KCNH7: variants seen among roughly 807,000 people sequenced by gnomAD.
KCNH7 encodes the protein voltage-gated inwardly rectifying potassium channel KCNH7.
KCNH7 carries 49 observed loss-of-function variants against 120.8 expected under a neutral mutation model. The observed-to-expected ratio is 0.41, with a 90% CI of 0.32 to 0.51. The LOEUF (loss-of-function observed/expected upper bound fraction) is 0.51. KCNH7 is among the 20% of genes least tolerant of loss of function. The pLI is 0.38. For synonymous variants in KCNH7, 547 were observed against 516.1 expected (o/e 1.06, Z -0.81); for missense variants, 1,097 against 1,446.6 (o/e 0.76, Z 3.92).
At chr2:162,554,870 G>A (rs1446242537) in intron 2 of KCNH7, among the ~76,000 whole-genome samples, 1 of 152,096 alleles carries the variant, frequency 6.6e-6, no homozygotes, top group Non-Finnish European at 1.5e-5. Flanking sequence ...TGAGGTTTAG[G>A]GCATGAACCT....
intron 4 of KCNH7, among the ~76,000 whole-genome samples, chr2:162,515,759 A>G (rs984951301): frequency 2.0e-5 from 3 of 151,750 alleles, no homozygotes; most frequent in African/African-American, 7.2e-5. Flanking sequence ...ATGATTATCC[A>G]ATTTGGGAAT....
chr2:162,483,145 A>C (rs1689984174), intron 6 of KCNH7, among the ~76,000 whole-genome samples: 2 of 152,184 alleles, frequency 1.3e-5, no homozygotes, highest in African/African-American at 4.8e-5. Context: ...TTCACTTTTG[A>C]ATTTCATAAA....
At position 162,810,008 on chromosome 2, in the gene KCNH7, C is replaced by T. The variant is rs1269677470; in HGVS notation, c.307+26529G>A. 8.0e-5 allele frequency among the ~76,000 whole-genome samples: 2 copies of T among 24,884 alleles called. 1 individual carries two copies. The highest frequency in any genetic ancestry group is 1.9e-3 in the East Asian group (2 of 1,064). The allele number at this position is 24,884 out of a possible 152,430, so 16.3% of individuals were successfully genotyped here. On this transcript the variant is annotated intron_variant, in intron 2 of 15. Coordinates refer to ENST00000332142, the MANE Select transcript of KCNH7 (RefSeq NM_033272.4). ...TCAGCTCACTGCAAGCTCCGCCTCC[C>T]GGGTTCACGCCATTCTCCTGCCTCA...
chr2:162,665,960 T>C (rs1201908836), intron 2 of KCNH7, among the ~76,000 whole-genome samples: 1 of 152,238 alleles, frequency 6.6e-6, no homozygotes, highest in African/African-American at 2.4e-5. Context: ...ATGGTACACA[T>C]ATAACACTGA....
chr2:162,458,737 G>C (rs1689054349), intron 6 of KCNH7, among the ~76,000 whole-genome samples: 1 of 152,136 alleles, frequency 6.6e-6, no homozygotes, highest in Non-Finnish European at 1.5e-5. Context: ...TAGATGTTTG[G>C]CTGGGACGAT....
chr2:162,719,416 T>G (rs1687247309), intron 2 of KCNH7, among the ~76,000 whole-genome samples: 1 of 152,010 alleles, frequency 6.6e-6, no homozygotes, highest in Admixed American at 6.6e-5. Context: ...CTAACTTGTA[T>G]TCTAAAAGGT....
intron 3 of KCNH7, among the ~76,000 whole-genome samples, chr2:162,524,980 C>T (rs1574063038): frequency 6.6e-6 from 1 of 151,898 alleles, no homozygotes; most frequent in Non-Finnish European, 1.5e-5. Context: ...CAAGTGGCTA[C>T]CCTGATTAGT....
At chr2:162,391,529 T>C (rs568977531) in intron 12 of KCNH7, among the ~76,000 whole-genome samples, 27 of 152,032 alleles carry the variant, frequency 1.8e-4, no homozygotes, top group Non-Finnish European at 3.5e-4. Flanking sequence ...ACCAGGAAAC[T>C]TCAAAGAGCT....
chr2:162,837,084 C>T (rs1404533530), intron 1 of KCNH7, among the ~76,000 whole-genome samples: 2 of 152,112 alleles, frequency 1.3e-5, no homozygotes, highest in Non-Finnish European at 1.5e-5. Context: ...CAAGCAGCTG[C>T]CCATTGATAT....
At chr2:162,724,239 C>A (rs868496128) in intron 2 of KCNH7, among the ~76,000 whole-genome samples, 15 of 152,096 alleles carry the variant, frequency 9.9e-5, no homozygotes, top group Admixed American at 2.6e-4. Context: ...TGTTCTGAGA[C>A]CCCTAATGAA....
intron 9 of KCNH7, among the ~76,000 whole-genome samples, chr2:162,408,960 C>G (rs1052039948): frequency 4.6e-5 from 7 of 151,444 alleles, no homozygotes; most frequent in African/African-American, 1.7e-4. Flanking sequence ...CACAGAAAAA[C>G]TTGTATTAAA....
In KCNH7 at chr2:162,432,672, A is replaced by G. The variant is rs1688109222; in HGVS notation, c.1954+2526T>C. Reference sequence around the variant, plus strand: ...CATTGAAAGATCATACTTTGAAATAATAAAAGCAATCTGTTGCAAACCCAC... The same window carrying G: ...CATTGAAAGATCATACTTTGAAATAGTAAAAGCAATCTGTTGCAAACCCAC... On this transcript the variant is annotated intron_variant, in intron 8 of 15. Coordinates refer to ENST00000332142, the MANE Select transcript of KCNH7 (RefSeq NM_033272.4). Among the ~76,000 whole-genome samples the G allele has an allele frequency of 2.6e-5, 4 of 152,184 alleles. No individual in the cohort carries two copies. The South Asian group carries it at 6.2e-4, about 24-fold the overall frequency.
intron 7 of KCNH7, among the ~76,000 whole-genome samples, chr2:162,438,244 TA>T (rs1017060787): frequency 3.9e-5 from 6 of 152,080 alleles, no homozygotes; most frequent in Admixed American, 6.6e-5. Flanking sequence ...GACGGTAGAG[TA>T]AAAATGATGT....
At chr2:162,670,583 T>C (rs1237092765) in intron 2 of KCNH7, among the ~76,000 whole-genome samples, 2 of 151,652 alleles carry the variant, frequency 1.3e-5, no homozygotes, top group Admixed American at 6.6e-5. Flanking sequence ...GGTAATTACA[T>C]TTCCATTGCC....
chr2:162,575,575 A>C (rs1394477278), intron 2 of KCNH7, among the ~76,000 whole-genome samples: 2 of 151,982 alleles, frequency 1.3e-5, no homozygotes, highest in East Asian at 3.9e-4. Flanking sequence ...GTTTACCCCC[A>C]TGTTTCCTGA....
chr2:162,396,247 C>T (rs961165989), intron 11 of KCNH7, among the ~76,000 whole-genome samples: 2 of 151,666 alleles, frequency 1.3e-5, no homozygotes, highest in East Asian at 1.9e-4. Flanking sequence ...TAAAACCTGA[C>T]TAATTTGTAC....
chr2:162,633,628 C>T (rs1243753140), intron 2 of KCNH7, among the ~76,000 whole-genome samples: 1 of 151,636 alleles, frequency 6.6e-6, no homozygotes, highest in African/African-American at 2.4e-5. Context: ...GGAATACAGC[C>T]CAAATAGAAA....
chr2:162,456,041 TG>T (rs1420649627), intron 6 of KCNH7, among the ~76,000 whole-genome samples: 2 of 152,124 alleles, frequency 1.3e-5, no homozygotes, highest in African/African-American at 4.8e-5. Context: ...GGTGTTGATT[TG>T]AGATCTTCCC....
At chr2:162,385,650 C>A (rs1357009088) in intron 12 of KCNH7, among the ~76,000 whole-genome samples, 2 of 151,830 alleles carry the variant, frequency 1.3e-5, no homozygotes, top group Non-Finnish European at 2.9e-5. Flanking sequence ...CTCAAAGAGA[C>A]AAATCCCAGA....
Sources: gnomAD v4.1 joint callset for allele counts (sites outside exome capture counted in the v4.1 genomes callset) on GRCh38, gnomAD v4.1.1 for gene constraint, MANE v1.5 for transcripts, NCBI Gene and HGNC (gene_info 2026-07-23, HGNC 2026-07-21) for gene names.